CCDC138: variants seen among roughly 807,000 people sequenced by gnomAD.
CCDC138 encodes the protein coiled-coil domain-containing protein 138.
In CCDC138, 66 loss-of-function variants were observed where a neutral mutation model predicts 82.3. The ratio of observed to expected loss-of-function variants is 0.80; its 90% CI spans 0.66 to 0.98. The LOEUF is 0.98. CCDC138 is among the 50% of genes least tolerant of loss of function. The probability of loss-of-function intolerance (pLI) is 0.00; values close to 1 mark genes in which losing one functional copy is unlikely to be tolerated. For synonymous variants in CCDC138, 297 were observed against 265.4 expected, an observed-to-expected ratio of 1.12 and a Z score of -1.16; for missense variants, 816 against 758.9, an observed-to-expected ratio of 1.08 and a Z score of -0.88.
At chr2:108,839,103 A>G in intron 10 of CCDC138, 82 bp from the exon 11 acceptor site, 1 of 1,397,068 alleles carries the variant, frequency 7.2e-7, no homozygotes, top group South Asian at 1.6e-5. Flanking sequence ...TTTAAAGATA[A>G]TTTTGGAAAA....
intron 14 of CCDC138, 50 bp from the exon 15 acceptor site, chr2:108,876,038 T>A: frequency 8.1e-7 from 1 of 1,233,236 alleles, no homozygotes; most frequent in Middle Eastern, 2.5e-4. Flanking sequence ...TCATTGCAGA[T>A]AAACTCTCTA....
intron 9 of CCDC138, among the ~76,000 whole-genome samples, chr2:108,815,461 G>GTTTTTTTTTTTTTTTTTTTTT (rs35206784): frequency 1.4e-5 from 1 of 70,700 alleles, no homozygotes; most frequent in African/African-American, 5.5e-5. Context: ...GGTTTTTGGT[G>GTTTTTTTTTTTTTTTTTTTTT]TTTTTTTTTT....
At chr2:108,828,079 G>A (rs1686941151) in intron 10 of CCDC138, among the ~76,000 whole-genome samples, 1 of 151,688 alleles carries the variant, frequency 6.6e-6, no homozygotes, top group African/African-American at 2.4e-5. Flanking sequence ...AGGAAAATAG[G>A]AATTATTTCA....
chr2:108,809,860 C>T (rs903585738), intron 7 of CCDC138, among the ~76,000 whole-genome samples: 1 of 152,140 alleles, frequency 6.6e-6, no homozygotes, highest in South Asian at 2.1e-4. Flanking sequence ...GGCTGGAGTG[C>T]AGCAGCACGA....
In CCDC138 at chr2:108,788,081, C is replaced by G. The variant is rs1306632985; in HGVS notation, c.143C>G (p.Thr48Ser). Residue 48 changes from threonine (T) to serine (S), a missense_variant, in exon 2 of 15, where the codon ACC becomes AGC. Thr to Ser is a moderately conservative substitution (Grantham distance 58). Coordinates refer to ENST00000295124, the MANE Select transcript of CCDC138 (RefSeq NM_144978.3). ...TCTAAGTATAAGAGAAGAACTCTAACCTCCCCAGGTAAGCCGGTATTTTGT... is the reference window on the plus strand; with the variant it reads ...TCTAAGTATAAGAGAAGAACTCTAAGCTCCCCAGGTAAGCCGGTATTTTGT... ...YQSKYKRRTL[T>S]SPGDLDIYSG... 1.2e-6 allele frequency: 2 copies of G among 1,600,088 alleles called. No homozygotes were observed. The highest frequency in any genetic ancestry group is 1.8e-4 in the Middle Eastern group (1 of 5,532).
intron 5 of CCDC138, among the ~76,000 whole-genome samples, chr2:108,796,663 T>C (rs1680966218): frequency 6.6e-6 from 1 of 152,144 alleles, no homozygotes; most frequent in Non-Finnish European, 1.5e-5. Flanking sequence ...AATCTTATCA[T>C]TGACAGCAGC....
chr2:108,860,947 T>TTTTTTTTTTTTC (rs1693492543), intron 13 of CCDC138, among the ~76,000 whole-genome samples: 1 of 140,872 alleles, frequency 7.1e-6, no homozygotes, highest in Non-Finnish European at 1.6e-5. Context: ...TTTTTTTTTT[T>TTTTTTTTTTTTC]TTTTTTTTTT....
At chr2:108,822,118 A>AC in intron 10 of CCDC138, among the ~76,000 whole-genome samples, 1 of 152,250 alleles carries the variant, frequency 6.6e-6, no homozygotes, top group South Asian at 2.1e-4. Flanking sequence ...ATGGAAAAAG[A>AC]CAATCCTTGT....
chr2:108,843,497 T>G (rs1574179479), intron 11 of CCDC138, among the ~76,000 whole-genome samples: 1 of 152,350 alleles, frequency 6.6e-6, no homozygotes, highest in East Asian at 1.9e-4. Context: ...TTAGTTTTTC[T>G]TAACATATTT....
intron 10 of CCDC138, among the ~76,000 whole-genome samples, chr2:108,819,811 C>T (rs1006353158): frequency 1.3e-5 from 2 of 152,020 alleles, no homozygotes; most frequent in African/African-American, 4.8e-5. Flanking sequence ...GGACATTGAT[C>T]AAATCAAAGA....
At chr2:108,862,241 A>G (rs1472353339) in intron 13 of CCDC138, among the ~76,000 whole-genome samples, 5 of 152,078 alleles carry the variant, frequency 3.3e-5, no homozygotes, top group Non-Finnish European at 7.4e-5. Context: ...AGAAATCTCA[A>G]TGGAATTTAT....
At chr2:108,829,973 A>C (rs1364399502) in intron 10 of CCDC138, among the ~76,000 whole-genome samples, 1 of 151,578 alleles carries the variant, frequency 6.6e-6, no homozygotes, top group Admixed American at 6.6e-5. Flanking sequence ...TTAAACACCA[A>C]GTTTATAGCA....
chr2:108,846,688 T>A (rs1235486363), intron 11 of CCDC138, 50 bp from the exon 12 acceptor site: 9 of 1,497,072 alleles, frequency 6.0e-6, no homozygotes, highest in Middle Eastern at 2.3e-4. Flanking sequence ...AAAAAAAAGA[T>A]ATATTCTGAA....
chr2:108,853,150 C>G (rs952713140), intron 12 of CCDC138, among the ~76,000 whole-genome samples: 2 of 152,142 alleles, frequency 1.3e-5, no homozygotes, highest in Non-Finnish European at 2.9e-5. Flanking sequence ...GACCCACAAT[C>G]GGAATAGTGA....
At chr2:108,860,402 TTG>T in intron 13 of CCDC138, among the ~76,000 whole-genome samples, 1 of 152,234 alleles carries the variant, frequency 6.6e-6, no homozygotes, top group East Asian at 1.9e-4. Flanking sequence ...GACATACCTG[TTG>T]TGTTCCAGAT....
intron 1 of CCDC138, 41 bp downstream of exon 1, chr2:108,786,956 C>G: frequency 1.4e-6 from 2 of 1,383,154 alleles, no homozygotes; most frequent in Non-Finnish European, 1.9e-6. Context: ...GCTCCTGCTG[C>G]TGGGGGGCGG....
rs57196170 is a variant in CCDC138, at chr2:108,843,886, C to CTTT, written c.1324-2832_1324-2830dup. 3.3e-4 allele frequency among the ~76,000 whole-genome samples: 31 copies of CTTT among 93,972 alleles called. 5 individuals carry two copies. Among genetic ancestry groups the CTTT allele is most frequent in the South Asian group, 1.5e-3 (4 of 2,728 alleles). 61.6% of individuals were successfully genotyped at this position (93,972 alleles called of 152,430 possible). ...TGTGTGTGTGTGTGTGTGTTTCTTT[C>CTTT]TTTTTTTTTTTTTTTTTTTTTTGAG... On this transcript the variant is annotated intron_variant, in intron 11 of 14. Coordinates refer to ENST00000295124, the MANE Select transcript of CCDC138 (RefSeq NM_144978.3).
chr2:108,873,421 A>G (rs377109483), intron 13 of CCDC138, 30 bp from the exon 14 acceptor site: 4 of 1,524,172 alleles, frequency 2.6e-6, no homozygotes, highest in Admixed American at 2.2e-5. Context: ...CTACTCCCTA[A>G]TAGTAAAGCA....
intron 7 of CCDC138, among the ~76,000 whole-genome samples, chr2:108,808,055 CAT>C (rs1047412928): frequency 4.6e-5 from 7 of 152,136 alleles, no homozygotes; most frequent in African/African-American, 1.2e-4. Context: ...TGAGTAAGAA[CAT>C]GTGGTATTTA....
Sources: gnomAD v4.1 joint callset for allele counts (sites outside exome capture counted in the v4.1 genomes callset) on GRCh38, gnomAD v4.1.1 for gene constraint, MANE v1.5 for transcripts, NCBI Gene and HGNC (gene_info 2026-07-23, HGNC 2026-07-21) for gene names.